Variants in GRM8 observed in about 807,000 individuals in gnomAD.
The protein encoded by GRM8 is glutamate metabotropic receptor 8.
GRM8 carries 47 observed loss-of-function variants against 87.2 expected under a neutral mutation model. That is an observed-to-expected ratio of 0.54 (90% CI 0.43 to 0.69). GRM8 has a LOEUF of 0.69. Among genes scored for constraint, GRM8 ranks in the 30% least tolerant of loss-of-function variants. The pLI is 0.00. For missense variants in GRM8, 1,019 were observed against 1,139.2 expected (o/e 0.89, Z 1.52); for synonymous variants, 396 against 404.5 (o/e 0.98, Z 0.25).
chr7:126,457,255 C>T (rs543757536), intron 9 of GRM8, among the ~76,000 whole-genome samples: 1 of 151,050 alleles, frequency 6.6e-6, no homozygotes, highest in African/African-American at 2.4e-5. Flanking sequence ...TTTTAAAATT[C>T]AGAAAGAAAT....
At chr7:126,663,231 C>A (rs1805398183) in intron 7 of GRM8, among the ~76,000 whole-genome samples, 1 of 152,202 alleles carries the variant, frequency 6.6e-6, no homozygotes, top group African/African-American at 2.4e-5. Context: ...GAACTGGTAC[C>A]AATCCTACTG....
At chr7:127,156,435 AAG>A (rs1463966774) in intron 2 of GRM8, among the ~76,000 whole-genome samples, 1 of 152,166 alleles carries the variant, frequency 6.6e-6, no homozygotes, top group African/African-American at 2.4e-5. Flanking sequence ...AAGTTGTAAA[AAG>A]AGAGCAGGCT....
chr7:126,691,854 C>G (rs1808849825), intron 7 of GRM8, among the ~76,000 whole-genome samples: 1 of 152,170 alleles, frequency 6.6e-6, no homozygotes, highest in Admixed American at 6.5e-5. Context: ...TCTGCTCACT[C>G]AAGGAATTCT....
chr7:126,835,162 C>T (rs17150300), intron 6 of GRM8, among the ~76,000 whole-genome samples: 13 of 151,744 alleles, frequency 8.6e-5, no homozygotes, highest in African/African-American at 3.1e-4. Context: ...TACCATGTAG[C>T]GTATTTCCCT....
intron 6 of GRM8, among the ~76,000 whole-genome samples, chr7:126,770,346 T>C (rs1818705253): frequency 6.6e-6 from 1 of 152,154 alleles, no homozygotes; most frequent in Admixed American, 6.6e-5. Flanking sequence ...TATTATATTG[T>C]GCATTCTAGT....
chr7:126,653,882 T>C (rs1804218116), intron 7 of GRM8, among the ~76,000 whole-genome samples: 1 of 152,190 alleles, frequency 6.6e-6, no homozygotes, highest in South Asian at 2.1e-4. Context: ...GAGGATACAA[T>C]TGAACACAAG....
intron 2 of GRM8, among the ~76,000 whole-genome samples, chr7:127,112,857 C>T (rs994020111): frequency 6.6e-6 from 1 of 152,204 alleles, no homozygotes; most frequent in East Asian, 1.9e-4. Flanking sequence ...TGACAGCCCA[C>T]GGACTTCAAT....
chr7:127,075,268 C>A (rs181807598), intron 3 of GRM8, among the ~76,000 whole-genome samples: 1 of 152,094 alleles, frequency 6.6e-6, no homozygotes, highest in Admixed American at 6.5e-5. Flanking sequence ...TCACAGGTAA[C>A]AAATAGTGTT....
rs993819042 is a variant in GRM8 at position 126,961,925 on chromosome 7, T to G, written c.728-57242A>C. ...CTCTGTATCCAGCATAGAGGAGACT[T>G]GATCCCTCCAATGGCTCCAACTAGA... On this transcript the variant is annotated intron_variant, in intron 3 of 10. Coordinates refer to ENST00000339582, the MANE Select transcript of GRM8 (RefSeq NM_000845.3). Among the ~76,000 whole-genome samples, 6 of 152,182 alleles carry G rather than the reference T, an allele frequency of 3.9e-5. No homozygotes were observed. In the East Asian group the frequency reaches 7.7e-4, roughly 20 times the overall value.
At chr7:126,449,794 A>G (rs571890972) in intron 9 of GRM8, among the ~76,000 whole-genome samples, 2 of 151,956 alleles carry the variant, frequency 1.3e-5, no homozygotes, top group East Asian at 3.9e-4. Flanking sequence ...GCTAGCAATG[A>G]TATTGGATAT....
At chr7:127,094,266 T>A (rs1374766080) in intron 3 of GRM8, among the ~76,000 whole-genome samples, 1 of 152,190 alleles carries the variant, frequency 6.6e-6, no homozygotes, top group Admixed American at 6.5e-5. Flanking sequence ...AATAAAAGAA[T>A]GTGATTTCTT....
At chr7:126,617,031 C>T (rs1354832242) in intron 7 of GRM8, among the ~76,000 whole-genome samples, 1 of 152,264 alleles carries the variant, frequency 6.6e-6, no homozygotes, top group African/African-American at 2.4e-5. Flanking sequence ...TTTTATGAGG[C>T]CAGCATTATC....
At chr7:126,511,904 G>T (rs1811430929) in intron 9 of GRM8, 2 of 152,022 alleles carry the variant, frequency 1.3e-5, no homozygotes, top group South Asian at 4.2e-4. Flanking sequence ...TCATATGTGG[G>T]GTTGGATCTA....
chr7:127,200,092 C>T (rs28952002), intron 2 of GRM8, among the ~76,000 whole-genome samples: 1 of 152,110 alleles, frequency 6.6e-6, no homozygotes, highest in Non-Finnish European at 1.5e-5. Context: ...AATCAAGACA[C>T]CCAACATGAT....
chr7:127,003,584 C>A (rs1056504323), intron 3 of GRM8, among the ~76,000 whole-genome samples: 3 of 151,620 alleles, frequency 2.0e-5, no homozygotes, highest in African/African-American at 7.3e-5. Context: ...CTGGAGCACT[C>A]CATATTATGT....
At chr7:126,513,848 T>C (rs1452598362) in intron 9 of GRM8, among the ~76,000 whole-genome samples, 1 of 152,154 alleles carries the variant, frequency 6.6e-6, no homozygotes, top group Non-Finnish European at 1.5e-5. Flanking sequence ...AAATTGATTA[T>C]AATCAGAGGT....
rs182943060 is a variant in GRM8, at chr7:126,741,682, G to A, written c.1357+28183C>T. On this transcript the variant is annotated intron_variant, in intron 7 of 10. Transcript: ENST00000339582. Reference sequence around the variant, plus strand: ...CTAAAATCCTAGCTTTGTTATTTACGATAGTATAATAATAAGGGGAAATTA... The same window carrying A: ...CTAAAATCCTAGCTTTGTTATTTACAATAGTATAATAATAAGGGGAAATTA... Among the ~76,000 whole-genome samples, 168 of 152,184 alleles carry A rather than the reference G, an allele frequency of 1.1e-3. 1 individual carries two copies. Among genetic ancestry groups the A allele is most frequent in the Non-Finnish European group, 2.0e-3 (138 of 67,998 alleles).
intron 7 of GRM8, among the ~76,000 whole-genome samples, chr7:126,710,592 A>G (rs539840496): frequency 6.6e-6 from 1 of 152,328 alleles, no homozygotes; most frequent in African/African-American, 2.4e-5. Flanking sequence ...AATTACAGCA[A>G]TTCAGTCACA....
chr7:127,135,575 G>A (rs1481753068), intron 2 of GRM8, among the ~76,000 whole-genome samples: 2 of 21,870 alleles, frequency 9.1e-5, no homozygotes, highest in East Asian at 6.6e-4. Context: ...ATGAGATCGC[G>A]CCACTGCACT....
Sources: gnomAD v4.1 joint callset for allele counts (sites outside exome capture counted in the v4.1 genomes callset) on GRCh38, gnomAD v4.1.1 for gene constraint, MANE v1.5 for transcripts, NCBI Gene and HGNC (gene_info 2026-07-23, HGNC 2026-07-21) for gene names.